Variants in CNTNAP5 observed in about 807,000 individuals in gnomAD.
CNTNAP5 encodes the protein contactin associated protein family member 5, also known as contactin-associated protein-like 5.
In CNTNAP5, 72 loss-of-function variants were observed where a neutral mutation model predicts 150.2. That is an observed-to-expected ratio of 0.48 (90% CI 0.40 to 0.58). CNTNAP5 has a LOEUF of 0.58. CNTNAP5 is among the 20% of genes least tolerant of loss of function. CNTNAP5 has a pLI of 0.00. For missense variants in CNTNAP5, 1,636 were observed against 1,626.2 expected, an observed-to-expected ratio of 1.01 and a Z score of -0.10; for synonymous variants, 672 against 619.8, an observed-to-expected ratio of 1.08 and a Z score of -1.25.
At chr2:124,322,143 C>T (rs1052100619) in intron 3 of CNTNAP5, among the ~76,000 whole-genome samples, 8 of 149,778 alleles carry the variant, frequency 5.3e-5, no homozygotes, top group Admixed American at 3.3e-4. Context: ...GAGTGAGACT[C>T]CATCTCCAAA....
intron 3 of CNTNAP5, among the ~76,000 whole-genome samples, chr2:124,318,181 G>C (rs1052086637): frequency 6.6e-6 from 1 of 152,174 alleles, no homozygotes; most frequent in African/African-American, 2.4e-5. Context: ...CAAAACTACA[G>C]GCAGAGCATT....
intron 3 of CNTNAP5, among the ~76,000 whole-genome samples, chr2:124,244,239 C>A (rs1047069331): frequency 6.6e-6 from 1 of 152,164 alleles, no homozygotes; most frequent in Admixed American, 6.5e-5. Context: ...ACCCTTGTCA[C>A]TTTCCCTGTG....
chr2:124,394,724 G>C (rs771758615), intron 3 of CNTNAP5, among the ~76,000 whole-genome samples: 1 of 152,180 alleles, frequency 6.6e-6, no homozygotes, highest in Non-Finnish European at 1.5e-5. Flanking sequence ...CTAAGGCTTA[G>C]AGGTAGAGTA....
At chr2:124,184,223 G>A (rs1454798593) in intron 1 of CNTNAP5, among the ~76,000 whole-genome samples, 1 of 152,098 alleles carries the variant, frequency 6.6e-6, no homozygotes, top group African/African-American at 2.4e-5. Context: ...CATTGGATTC[G>A]TATATCTGAA....
chr2:124,424,493 C>T (rs1692193735), intron 4 of CNTNAP5, among the ~76,000 whole-genome samples: 1 of 152,116 alleles, frequency 6.6e-6, no homozygotes, highest in Admixed American at 6.5e-5. Context: ...CATTGCAGTC[C>T]CCTCATTAGA....
At chr2:124,578,326 G>T (rs1426037666) in intron 11 of CNTNAP5, among the ~76,000 whole-genome samples, 2 of 131,156 alleles carry the variant, frequency 1.5e-5, no homozygotes, top group East Asian at 4.5e-4. Context: ...GCGAGACTTT[G>T]TCTCAAAAAA....
At chr2:124,508,897 T>A (rs1355100729) in intron 8 of CNTNAP5, among the ~76,000 whole-genome samples, 1 of 152,238 alleles carries the variant, frequency 6.6e-6, no homozygotes, top group Admixed American at 6.5e-5. Context: ...GGAAACTTGT[T>A]TTCAAAGTAC....
intron 13 of CNTNAP5, among the ~76,000 whole-genome samples, chr2:124,677,216 T>C (rs1678961481): frequency 6.6e-6 from 1 of 152,106 alleles, no homozygotes. Flanking sequence ...TCACAGTGAG[T>C]GTTACAGCTC....
intron 10 of CNTNAP5, among the ~76,000 whole-genome samples, chr2:124,531,127 C>T (rs990789914): frequency 4.0e-5 from 6 of 151,806 alleles, no homozygotes; most frequent in African/African-American, 1.2e-4. Context: ...TGAGGGTGAT[C>T]GAAGACAGTG....
At chr2:124,875,359 C>T (rs1286328567) in intron 21 of CNTNAP5, among the ~76,000 whole-genome samples, 1 of 152,002 alleles carries the variant, frequency 6.6e-6, no homozygotes, top group Non-Finnish European at 1.5e-5. Flanking sequence ...GACACAGAGC[C>T]TTCTTATGAT....
chr2:124,766,006 A>G (rs1245378561), intron 16 of CNTNAP5, among the ~76,000 whole-genome samples: 1 of 152,152 alleles, frequency 6.6e-6, no homozygotes, highest in Admixed American at 6.6e-5. Flanking sequence ...TAGCTTCAGC[A>G]TCTATTGAAA....
chr2:124,351,621 AG>A (rs777705269), intron 3 of CNTNAP5, among the ~76,000 whole-genome samples: 9 of 152,228 alleles, frequency 5.9e-5, no homozygotes, highest in Non-Finnish European at 7.3e-5. Flanking sequence ...ACGAGGAAGC[AG>A]AAAGACTACA....
intron 1 of CNTNAP5, among the ~76,000 whole-genome samples, chr2:124,085,563 T>C (rs2104680100): frequency 6.6e-6 from 1 of 152,352 alleles, no homozygotes; most frequent in Admixed American, 6.5e-5. Context: ...TTCTGCTACC[T>C]TTGCTTTCCT....
chr2:124,311,695 C>T (rs1471267570), intron 3 of CNTNAP5, among the ~76,000 whole-genome samples: 1 of 152,122 alleles, frequency 6.6e-6, no homozygotes, highest in Non-Finnish European at 1.5e-5. Flanking sequence ...TTCTAATGCT[C>T]CCATAGGAGG....
chr2:124,632,892 C>T (rs1677893615), intron 12 of CNTNAP5, among the ~76,000 whole-genome samples: 1 of 151,930 alleles, frequency 6.6e-6, no homozygotes, highest in Non-Finnish European at 1.5e-5. Flanking sequence ...CTTACATGTC[C>T]AAAGCTGGGG....
intron 19 of CNTNAP5, among the ~76,000 whole-genome samples, chr2:124,863,201 G>A (rs544262651): frequency 3.3e-5 from 5 of 152,274 alleles, no homozygotes; most frequent in East Asian, 3.9e-4. Flanking sequence ...TGTCTGGCAC[G>A]TAATTATCAC....
At chr2:124,094,456 C>A (rs937156236) in intron 1 of CNTNAP5, among the ~76,000 whole-genome samples, 17 of 152,152 alleles carry the variant, frequency 1.1e-4, no homozygotes, top group African/African-American at 3.9e-4. Context: ...GAGGCCATCA[C>A]CCACATTGCA....
chr2:124,617,889 T>C (rs960532021), intron 12 of CNTNAP5, among the ~76,000 whole-genome samples: 2 of 152,084 alleles, frequency 1.3e-5, no homozygotes, highest in African/African-American at 4.8e-5. Flanking sequence ...CAGCAGATAA[T>C]GCCTCTGAAA....
chr2:124,236,371 A>G (rs1234711311), intron 2 of CNTNAP5, among the ~76,000 whole-genome samples: 2 of 152,222 alleles, frequency 1.3e-5, no homozygotes, highest in Non-Finnish European at 2.9e-5. Flanking sequence ...GCACCTGCCC[A>G]GGAGCAGAAA....
Sources: allele counts gnomAD v4.1 joint callset (sites outside exome capture counted in the v4.1 genomes callset), GRCh38; gene constraint gnomAD v4.1.1; transcripts MANE v1.5; gene names NCBI Gene and HGNC (gene_info 2026-07-23, HGNC 2026-07-21).